Variants in GPC5 observed in about 807,000 individuals in gnomAD.
GPC5 encodes the protein glypican 5, also known as glypican-5.
GPC5 carries 47 observed loss-of-function variants against 53.9 expected under a neutral mutation model. That is an observed-to-expected ratio of 0.87 (90% CI 0.69 to 1.11). GPC5 has a LOEUF of 1.11. GPC5 is among the 50% of genes most tolerant of loss of function. The probability of loss-of-function intolerance (pLI) is 0.00; values close to 1 mark genes in which losing one functional copy is unlikely to be tolerated. For missense variants in GPC5, 748 were observed against 713.1 expected (o/e 1.05, Z -0.56); for synonymous variants, 286 against 263.3 (o/e 1.09, Z -0.84).
chr13:92,752,434 G>A (rs755209245), intron 7 of GPC5, among the ~76,000 whole-genome samples: 2 of 152,166 alleles, frequency 1.3e-5, no homozygotes, highest in African/African-American at 4.8e-5. Flanking sequence ...TGATGGAATT[G>A]TTGTAAAGGT....
At chr13:91,833,674 T>G (rs2038689304) in intron 5 of GPC5, among the ~76,000 whole-genome samples, 3 of 152,138 alleles carry the variant, frequency 2.0e-5, no homozygotes, top group South Asian at 4.1e-4. Context: ...AGAAAAAGTC[T>G]TCGACAAAAT....
At chr13:92,713,883 G>A (rs1004225904) in intron 7 of GPC5, among the ~76,000 whole-genome samples, 1 of 152,144 alleles carries the variant, frequency 6.6e-6, no homozygotes, top group African/African-American at 2.4e-5. Context: ...ACCCGTTCTG[G>A]TAAGGAGTGT....
At chr13:91,766,430 A>G (rs1212279643) in intron 5 of GPC5, among the ~76,000 whole-genome samples, 2 of 152,220 alleles carry the variant, frequency 1.3e-5, no homozygotes, top group Non-Finnish European at 2.9e-5. Flanking sequence ...ATTCATTCAT[A>G]AAGCCAATAA....
chr13:92,714,411 C>T (rs945997569), intron 7 of GPC5, among the ~76,000 whole-genome samples: 1 of 152,120 alleles, frequency 6.6e-6, no homozygotes. Context: ...AAAAAGCTCC[C>T]ACATAATTTT....
chr13:91,407,543 T>C (rs1877415429), intron 1 of GPC5, among the ~76,000 whole-genome samples: 2 of 152,358 alleles, frequency 1.3e-5, no homozygotes, highest in Admixed American at 1.3e-4. Flanking sequence ...GGCTCTGGAA[T>C]GGTTGGCTTG....
chr13:91,963,092 C>G (rs1469597166), intron 6 of GPC5, among the ~76,000 whole-genome samples: 2 of 152,082 alleles, frequency 1.3e-5, no homozygotes, highest in African/African-American at 4.8e-5. Context: ...TGGGCAGTTA[C>G]TTAATATTTC....
chr13:91,992,711 C>T (rs1160284492), intron 6 of GPC5, among the ~76,000 whole-genome samples: 1 of 152,126 alleles, frequency 6.6e-6, no homozygotes, highest in Non-Finnish European at 1.5e-5. Context: ...CCACCTCATC[C>T]TCCCAAAGTT....
intron 5 of GPC5, among the ~76,000 whole-genome samples, chr13:91,894,751 C>T (rs560007135): frequency 5.3e-5 from 8 of 152,242 alleles, no homozygotes; most frequent in Middle Eastern, 3.4e-3. Context: ...CATTTGCAGA[C>T]ATCCATCACT....
intron 7 of GPC5, among the ~76,000 whole-genome samples, chr13:92,208,423 C>A (rs192826118): frequency 6.6e-6 from 1 of 152,320 alleles, no homozygotes; most frequent in Non-Finnish European, 1.5e-5. Context: ...ATTAATCCCA[C>A]TAAGTTTGTT....
At chr13:91,772,326 T>A (rs1355504765) in intron 5 of GPC5, among the ~76,000 whole-genome samples, 1 of 152,140 alleles carries the variant, frequency 6.6e-6, no homozygotes, top group Non-Finnish European at 1.5e-5. Context: ...ATAAAAAAAA[T>A]TAAGTTAATC....
At chr13:92,178,930 C>G (rs2042127494) in intron 7 of GPC5, among the ~76,000 whole-genome samples, 1 of 152,156 alleles carries the variant, frequency 6.6e-6, no homozygotes, top group Admixed American at 6.5e-5. Context: ...AAGATTGCAC[C>G]TCTGTACTCC....
At chr13:92,512,547 T>G (rs1880612532) in intron 7 of GPC5, among the ~76,000 whole-genome samples, 1 of 152,224 alleles carries the variant, frequency 6.6e-6, no homozygotes, top group African/African-American at 2.4e-5. Context: ...CAGAAAGTTA[T>G]CAACATAATG....
intron 6 of GPC5, among the ~76,000 whole-genome samples, chr13:92,079,570 C>A (rs1021598466): frequency 2.6e-5 from 4 of 152,284 alleles, no homozygotes; most frequent in African/African-American, 9.6e-5. Context: ...TCAGTGTCTG[C>A]CATGCCAGGC....
intron 7 of GPC5, among the ~76,000 whole-genome samples, chr13:92,281,163 C>CT (rs2042912485): frequency 6.6e-6 from 1 of 152,186 alleles, no homozygotes; most frequent in African/African-American, 2.4e-5. Context: ...GTAAGGCAGT[C>CT]TGAGATGGAA....
At chr13:91,735,570 T>G (rs1594499366) in intron 4 of GPC5, among the ~76,000 whole-genome samples, 1 of 151,564 alleles carries the variant, frequency 6.6e-6, no homozygotes, top group South Asian at 2.1e-4. Flanking sequence ...GTTTTCAAAA[T>G]ATAGTATCTT....
At chr13:92,384,075 A>G (rs930938325) in intron 7 of GPC5, among the ~76,000 whole-genome samples, 3 of 152,012 alleles carry the variant, frequency 2.0e-5, no homozygotes, top group Non-Finnish European at 2.9e-5. Context: ...TTTCAATTAA[A>G]CATATACAAA....
At chr13:92,494,293 G>C (rs1205917097) in intron 7 of GPC5, among the ~76,000 whole-genome samples, 1 of 152,098 alleles carries the variant, frequency 6.6e-6, no homozygotes, top group African/African-American at 2.4e-5. Flanking sequence ...GTTTCACCGT[G>C]TTAGCCAGGA....
intron 6 of GPC5, among the ~76,000 whole-genome samples, chr13:91,911,149 A>C (rs947652446): frequency 1.3e-5 from 2 of 152,164 alleles, no homozygotes; most frequent in African/African-American, 4.8e-5. Flanking sequence ...GGGTGAGTTA[A>C]AGGGAGGAGA....
intron 6 of GPC5, among the ~76,000 whole-genome samples, chr13:91,976,496 A>G (rs78953368): frequency 0.024 from 3,593 of 152,202 alleles, 143 homozygotes; most frequent in African/African-American, 0.082. Context: ...CCCTACAATT[A>G]GGAGTTTATA....
Sources: gnomAD v4.1 joint callset for allele counts (sites outside exome capture counted in the v4.1 genomes callset) on GRCh38, gnomAD v4.1.1 for gene constraint, MANE v1.5 for transcripts, NCBI Gene and HGNC (gene_info 2026-07-23, HGNC 2026-07-21) for gene names.